PLEKHA7: variants seen among roughly 807,000 people sequenced by gnomAD.
PLEKHA7 encodes the protein pleckstrin homology domain containing A7.
PLEKHA7 carries 104 observed loss-of-function variants against 170.0 expected under a neutral mutation model. The ratio of observed to expected loss-of-function variants is 0.61; its 90% confidence interval spans 0.52 to 0.72. The LOEUF (loss-of-function observed/expected upper bound fraction) is 0.72, where lower values mean the gene tolerates loss of function less well. Ranked by LOEUF, PLEKHA7 falls within the 30% of genes least tolerant of loss-of-function variation. PLEKHA7 has a pLI of 0.00. For synonymous variants in PLEKHA7, 648 were observed against 660.8 expected (o/e 0.98, Z 0.30); for missense variants, 1,615 against 1,671.7 (o/e 0.97, Z 0.59).
At chr11:16,854,156 G>A (rs1314570231) in intron 6 of PLEKHA7, among the ~76,000 whole-genome samples, 2 of 152,216 alleles carry the variant, frequency 1.3e-5, no homozygotes, top group African/African-American at 4.8e-5. Flanking sequence ...TGACTGGCAA[G>A]GAGAGAAGGA....
At chr11:16,849,788 G>A (rs1852769723) in intron 8 of PLEKHA7, among the ~76,000 whole-genome samples, 1 of 152,114 alleles carries the variant, frequency 6.6e-6, no homozygotes, top group African/African-American at 2.4e-5. Flanking sequence ...ATGTTTTAAA[G>A]ATATAAGGCA....
chr11:17,000,148 A>G lies in PLEKHA7; in HGVS notation c.221+13841T>C, dbSNP rs538829627. Among the ~76,000 whole-genome samples the G allele has an allele frequency of 2.0e-5, 3 of 152,290 alleles. No homozygotes were observed. The South Asian group carries it at 6.2e-4, about 32-fold the overall frequency. On this transcript the variant is annotated intron_variant, in intron 3 of 26. Transcript: ENST00000531066. ...ACCCAGACTGAAGTGCAGTGGTGGA[A>G]TCTCGGCTCACTGTAACCTCTGTCT...
chr11:17,001,321 A>C (rs1590824131), intron 3 of PLEKHA7, among the ~76,000 whole-genome samples: 1 of 152,194 alleles, frequency 6.6e-6, no homozygotes, highest in South Asian at 2.1e-4. Context: ...TCAAAAGCCA[A>C]CCAGCCTCCA....
chr11:16,938,081 A>G (rs1860432789), intron 3 of PLEKHA7, among the ~76,000 whole-genome samples: 1 of 151,810 alleles, frequency 6.6e-6, no homozygotes. Flanking sequence ...TCTTACTTAT[A>G]TTTTCCCTAG....
At chr11:16,847,542 T>G (rs2135368278) in intron 8 of PLEKHA7, among the ~76,000 whole-genome samples, 1 of 152,208 alleles carries the variant, frequency 6.6e-6, no homozygotes, top group Non-Finnish European at 1.5e-5. Flanking sequence ...CACAATTGGC[T>G]TAATCAGATG....
intron 26 of PLEKHA7, among the ~76,000 whole-genome samples, chr11:16,781,427 G>C (rs1333921333): frequency 6.6e-6 from 1 of 152,182 alleles, no homozygotes; most frequent in South Asian, 2.1e-4. Context: ...CAAGCAAGGC[G>C]AGAGGAGGGC....
intron 3 of PLEKHA7, among the ~76,000 whole-genome samples, chr11:16,917,850 G>C (rs1410650021): frequency 6.6e-6 from 1 of 152,222 alleles, no homozygotes; most frequent in Non-Finnish European, 1.5e-5. Flanking sequence ...TTGTGCAAGA[G>C]GCCATGCTCC....
At chr11:16,984,709 T>C (rs1337752443) in intron 3 of PLEKHA7, among the ~76,000 whole-genome samples, 1 of 152,220 alleles carries the variant, frequency 6.6e-6, no homozygotes, top group Admixed American at 6.5e-5. Context: ...TTTGCTCTCT[T>C]TCTCTCCTGC....
In PLEKHA7 at chr11:17,002,087, G is replaced by A. The variant is rs375866368; in HGVS notation, c.221+11902C>T. ...GAGGTCCACTTCCCAGAGCACCAGCGACTGGCTCACAGTTCTGTGTGGGGA... is the reference window on the plus strand; with the variant it reads ...GAGGTCCACTTCCCAGAGCACCAGCAACTGGCTCACAGTTCTGTGTGGGGA... On this transcript the variant is annotated intron_variant, in intron 3 of 26. Coordinates refer to ENST00000531066, the MANE Select transcript of PLEKHA7 (RefSeq NM_001329630.2). Among the ~76,000 whole-genome samples the A allele has an allele frequency of 3.0e-4, 45 of 152,290 alleles. No individual in the cohort carries two copies. In the South Asian group the frequency reaches 4.8e-3, roughly 16 times the overall value.
At chr11:16,997,562 C>A (rs2137009743) in intron 3 of PLEKHA7, among the ~76,000 whole-genome samples, 1 of 152,282 alleles carries the variant, frequency 6.6e-6, no homozygotes, top group East Asian at 1.9e-4. Flanking sequence ...ACTCACCTGG[C>A]ACTCGATGGG....
At chr11:16,822,915 T>G (rs1008609433) in intron 10 of PLEKHA7, among the ~76,000 whole-genome samples, 1 of 152,228 alleles carries the variant, frequency 6.6e-6, no homozygotes, top group Admixed American at 6.5e-5. Context: ...GATTCCAATG[T>G]GCAGCCTAGC....
In PLEKHA7 at chr11:16,817,297, G is replaced by A. The variant is rs780910279; in HGVS notation, c.1369C>T (p.Arg457Cys). 1.1e-4 allele frequency: 184 copies of A among 1,611,504 alleles called. No homozygotes were observed. Among genetic ancestry groups the A allele is most frequent in the Non-Finnish European group, 1.5e-4 (176 of 1,179,822 alleles). Residue 457 changes from arginine (R) to cysteine (C), a missense_variant, in exon 11 of 27, where the codon CGC (arginine) becomes TGC (cysteine). Arg to Cys is a radical substitution (Grantham distance 180). Transcript: ENST00000531066. This position sits in a 1 kb window ranked among gnomAD's most constrained non-coding sequence, Gnocchi z 4.4. ...GACAGGGATTGGCCAGGACCCTGGC[G>A]AGGAAGCGTCTGGTCCAAGGGAAGA... ...RSLPLDQTLP[R>C]QGPGQSLSFP...
At chr11:16,976,886 C>T (rs975402611) in intron 3 of PLEKHA7, among the ~76,000 whole-genome samples, 9 of 152,324 alleles carry the variant, frequency 5.9e-5, no homozygotes, top group African/African-American at 1.9e-4. Flanking sequence ...TAAATAATTG[C>T]TGAATGGATG....
At chr11:16,975,944 C>T (rs907186179) in intron 3 of PLEKHA7, among the ~76,000 whole-genome samples, 8 of 152,226 alleles carry the variant, frequency 5.3e-5, no homozygotes, top group African/African-American at 1.9e-4. Flanking sequence ...CTAGGACTCA[C>T]ATCATTCAGA....
rs568718448 is a variant in PLEKHA7 at position 17,002,989 on chromosome 11, C to CTTTTTTTTTTTTTTTTTTTTTTT, written c.221+10999_221+11000insAAAAAAAAAAAAAAAAAAAAAAA. Reference sequence around the variant, plus strand: ...CCTTTAAGTACCAGAATAGTTGTGCCTTTTTTTTTTTTTTTTTTTTGTGAT... The same window carrying CTTTTTTTTTTTTTTTTTTTTTTT: ...CCTTTAAGTACCAGAATAGTTGTGCCTTTTTTTTTTTTTTTTTTTTTTTTTTTTTTTTTTTTTTTTTTTGTGAT... On this transcript the variant is annotated intron_variant, in intron 3 of 26. Transcript: ENST00000531066. Among the ~76,000 whole-genome samples, 3 of 113,018 alleles carry CTTTTTTTTTTTTTTTTTTTTTTT rather than the reference C, an allele frequency of 2.7e-5. 1 individual carries two copies. Among genetic ancestry groups the CTTTTTTTTTTTTTTTTTTTTTTT allele is most frequent in the Non-Finnish European group, 5.3e-5 (3 of 56,158 alleles). 74.1% of individuals were successfully genotyped at this position (113,018 alleles called of 152,430 possible).
At chr11:16,805,789 CAAAAAAAA>C (rs11339921) in intron 13 of PLEKHA7, among the ~76,000 whole-genome samples, 7 of 111,222 alleles carry the variant, frequency 6.3e-5, no homozygotes, top group Non-Finnish European at 9.3e-5. Flanking sequence ...GACTCCATGT[CAAAAAAAA>C]AAAAAAAAAA....
At chr11:16,813,301 C>A in intron 12 of PLEKHA7, 135 bp from the exon 13 acceptor site, 1 of 597,968 alleles carries the variant, frequency 1.7e-6, no homozygotes, top group South Asian at 2.4e-5. Context: ...ACATCAGGGG[C>A]CACAGAGGAA....
At chr11:16,861,977 A>T (rs1331528419) in intron 4 of PLEKHA7, among the ~76,000 whole-genome samples, 1 of 150,342 alleles carries the variant, frequency 6.7e-6, no homozygotes, top group African/African-American at 2.5e-5. Context: ...CTCTTATCCC[A>T]AACAGGCAGA....
rs77125695 is a variant in PLEKHA7, at chr11:16,940,146, A to G, written c.222-68964T>C. Among the ~76,000 whole-genome samples the G allele has an allele frequency of 1.4e-3, 220 of 152,310 alleles. 2 individuals are homozygous for G. The highest frequency in any genetic ancestry group is 4.9e-3 in the African/African-American group (204 of 41,566). ...CTGGGCTGTAACTTCCAGGGGAAGAAGTACCACTTGTGTCTTCTCAGCCCT... is the reference window on the plus strand; with the variant it reads ...CTGGGCTGTAACTTCCAGGGGAAGAGGTACCACTTGTGTCTTCTCAGCCCT... On this transcript the variant is annotated intron_variant, in intron 3 of 26. Coordinates refer to ENST00000531066, the MANE Select transcript of PLEKHA7 (RefSeq NM_001329630.2).
Sources: gnomAD v4.1 joint callset for allele counts (sites outside exome capture counted in the v4.1 genomes callset) on GRCh38, gnomAD v4.1.1 for gene constraint, Gnocchi (gnomAD v3.1) non-coding constraint, MANE v1.5 for transcripts, NCBI Gene and HGNC (gene_info 2026-07-23, HGNC 2026-07-21) for gene names.